The following RCOR1 variants were observed in gnomAD, a reference collection of about 807,000 sequenced individuals.
RCOR1 encodes the protein REST corepressor.
A neutral mutation model predicts 64.0 loss-of-function variants in RCOR1; 12 were observed. The ratio of observed to expected loss-of-function variants is 0.19; its 90% CI spans 0.12 to 0.30. The LOEUF (loss-of-function observed/expected upper bound fraction) is 0.30. Ranked by LOEUF, RCOR1 falls within the 10% of genes least tolerant of loss-of-function variation. The pLI, the probability that RCOR1 is intolerant of heterozygous loss-of-function variation, is 1.00. For missense variants in RCOR1, 502 were observed against 621.2 expected (o/e 0.81, Z 2.04); for synonymous variants, 279 against 227.2 (o/e 1.23, Z -2.05).
intron 2 of RCOR1, among the ~76,000 whole-genome samples, chr14:102,620,197 C>T (rs1893845896): frequency 6.6e-6 from 1 of 151,944 alleles, no homozygotes; most frequent in Admixed American, 6.6e-5. Flanking sequence ...TGAGACCAGC[C>T]TGGGCAAAAT....
rs2139961177 is a variant in RCOR1, at chr14:102,682,106, T to C, written c.445+128T>C. The C allele has an allele frequency of 8.7e-6, 5 of 574,304 alleles. 1 individual carries two copies. The South Asian group carries it at 1.5e-4, about 17-fold the overall frequency. 35.6% of individuals were successfully genotyped at this position (574,304 alleles called of 1,614,324 possible). On this transcript the variant is annotated intron_variant, in intron 3 of 11. Coordinates refer to ENST00000262241, the MANE Select transcript of RCOR1 (RefSeq NM_015156.4). ...ATTTTAAGATAAATAATTTAAAGAG[T>C]TTTAAAGTGTATATTTCTTTTTTTA...
chr14:102,620,428 G>A (rs1016757035), intron 2 of RCOR1, among the ~76,000 whole-genome samples: 1 of 152,150 alleles, frequency 6.6e-6, no homozygotes, highest in African/African-American at 2.4e-5. Context: ...CTATCTGGGC[G>A]TGGTTGCACA....
intron 2 of RCOR1, 148 bp downstream of exon 2, chr14:102,593,473 G>A (rs1893177461): frequency 2.2e-6 from 2 of 888,970 alleles, no homozygotes; most frequent in East Asian, 3.3e-5. Context: ...CGAGGACGAG[G>A]AGGCGCACAC....
chr14:102,618,563 A>G (rs1224301004), intron 2 of RCOR1, among the ~76,000 whole-genome samples: 1 of 152,172 alleles, frequency 6.6e-6, no homozygotes, highest in East Asian at 1.9e-4. Context: ...AGCCGTCATC[A>G]TGCCCATGCC....
chr14:102,651,954 A>C (rs1196045771), intron 2 of RCOR1, among the ~76,000 whole-genome samples: 1 of 152,246 alleles, frequency 6.6e-6, no homozygotes, highest in Non-Finnish European at 1.5e-5. Flanking sequence ...AGGCTTCATA[A>C]ATAAAAGGGA....
At chr14:102,678,166 T>G (rs994969979) in intron 2 of RCOR1, among the ~76,000 whole-genome samples, 2 of 151,930 alleles carry the variant, frequency 1.3e-5, no homozygotes, top group African/African-American at 4.8e-5. Flanking sequence ...CCGTCCAGCT[T>G]TGGCTCGGCA....
chr14:102,663,939 G>C (rs1894871002), intron 2 of RCOR1, among the ~76,000 whole-genome samples: 1 of 152,088 alleles, frequency 6.6e-6, no homozygotes, highest in South Asian at 2.1e-4. Flanking sequence ...ATGAGAGAAG[G>C]TAAGATGTTA....
intron 2 of RCOR1, among the ~76,000 whole-genome samples, chr14:102,641,588 A>G (rs190180967): frequency 6.6e-6 from 1 of 152,270 alleles, no homozygotes; most frequent in East Asian, 1.9e-4. Context: ...CAACAGAGTG[A>G]GACCCTGTCT....
intron 2 of RCOR1, among the ~76,000 whole-genome samples, chr14:102,661,372 T>G (rs1309140445): frequency 6.6e-6 from 1 of 152,104 alleles, no homozygotes; most frequent in Admixed American, 6.6e-5. Flanking sequence ...GAAAAGTCAC[T>G]TATAATTATG....
intron 2 of RCOR1, among the ~76,000 whole-genome samples, chr14:102,619,266 C>T (rs900500712): frequency 2.0e-5 from 3 of 152,028 alleles, no homozygotes; most frequent in Admixed American, 6.6e-5. Context: ...GGATTGCAGG[C>T]GTGCACTACA....
At chr14:102,671,647 A>T (rs1376764421) in intron 2 of RCOR1, among the ~76,000 whole-genome samples, 1 of 152,210 alleles carries the variant, frequency 6.6e-6, no homozygotes, top group Admixed American at 6.5e-5. Context: ...CTCCCACCTC[A>T]GCCTCCTGAG....
intron 3 of RCOR1, among the ~76,000 whole-genome samples, chr14:102,692,547 C>T (rs982459398): frequency 2.6e-5 from 4 of 151,820 alleles, no homozygotes; most frequent in South Asian, 2.1e-4. Context: ...AGTTTGCTTC[C>T]GGATCTTTTC....
At chr14:102,600,483 CCT>C (rs1253076262) in intron 2 of RCOR1, among the ~76,000 whole-genome samples, 17 of 152,006 alleles carry the variant, frequency 1.1e-4, no homozygotes, top group Non-Finnish European at 4.4e-5. Context: ...CTCACTGCAA[CCT>C]CTGTCTCCCA....
intron 8 of RCOR1, among the ~76,000 whole-genome samples, chr14:102,716,595 T>TATTGAAGAAACTGTCCTTTATCCTTTGCA (rs60493851): frequency 0.021 from 3,132 of 152,242 alleles, 109 homozygotes; most frequent in African/African-American, 0.072. Flanking sequence ...GTCAAGTATT[T>TATTGAAGAAACTGTCCTTTATCCTTTGCA]ATTGAAGAAA....
intron 2 of RCOR1, chr14:102,658,120 GC>G: frequency 5.0e-6 from 1 of 198,488 alleles, no homozygotes; most frequent in Non-Finnish European, 9.0e-6. Context: ...GATTACAGAT[GC>G]CCACCGCCAC....
At chr14:102,595,122 A>G (rs918232734) in intron 2 of RCOR1, among the ~76,000 whole-genome samples, 1 of 152,244 alleles carries the variant, frequency 6.6e-6, no homozygotes, top group Non-Finnish European at 1.5e-5. Flanking sequence ...TCTTTGAAAC[A>G]GCAAATATAA....
chr14:102,679,463 C>T (rs1895257982), intron 2 of RCOR1, among the ~76,000 whole-genome samples: 1 of 151,158 alleles, frequency 6.6e-6, no homozygotes, highest in African/African-American at 2.4e-5. Flanking sequence ...GACTCTATTC[C>T]ATTTATTTCC....
intron 2 of RCOR1, among the ~76,000 whole-genome samples, chr14:102,621,710 TAAATG>T (rs148088944): frequency 0.56 from 84,015 of 151,076 alleles, 25,360 homozygotes; most frequent in South Asian, 0.7. Context: ...TAAAATCACT[TAAATG>T]AATGAATGAG....
At chr14:102,639,421 C>T (rs541705226) in intron 2 of RCOR1, among the ~76,000 whole-genome samples, 1 of 151,466 alleles carries the variant, frequency 6.6e-6, no homozygotes, top group African/African-American at 2.4e-5. Context: ...CCCTTCCCTT[C>T]CCCAGCTCTC....
Sources: allele counts gnomAD v4.1 joint callset (sites outside exome capture counted in the v4.1 genomes callset), GRCh38; gene constraint gnomAD v4.1.1; transcripts MANE v1.5; gene names NCBI Gene and HGNC (gene_info 2026-07-23, HGNC 2026-07-21).